Variants in PRH1 observed in about 807,000 individuals in gnomAD.
The protein encoded by PRH1 is salivary acidic proline-rich phosphoprotein 1/2.
Under a neutral mutation model 7.9 loss-of-function variants are expected in PRH1, and 7 were observed. The observed-to-expected ratio is 0.89, with a 90% CI of 0.50 to 1.67. The LOEUF (loss-of-function observed/expected upper bound fraction) is 1.67. Ranked by LOEUF, PRH1 falls within the 40% of genes most tolerant of loss-of-function variation. PRH1 has a pLI of 0.00. For missense variants in PRH1, 109 were observed against 223.6 expected, an observed-to-expected ratio of 0.49 and a Z score of 3.27; for synonymous variants, 45 against 80.8, an observed-to-expected ratio of 0.56 and a Z score of 2.38.
chr12:10,907,523 G>A (rs1397049371), intron 2 of PRH1, among the ~76,000 whole-genome samples: 1 of 151,984 alleles, frequency 6.6e-6, no homozygotes, highest in African/African-American at 2.4e-5. Context: ...ATGTGTGTGT[G>A]TGTGTGTGTA....
intron 1 of PRH1, among the ~76,000 whole-genome samples, chr12:10,977,634 A>C (rs566074200): frequency 6.6e-6 from 1 of 152,282 alleles, no homozygotes; most frequent in East Asian, 1.9e-4. Flanking sequence ...GTTTGCAGAC[A>C]ATGTAATCCT....
At chr12:11,156,438 T>C (rs954267310) in intron 1 of PRH1, among the ~76,000 whole-genome samples, 2 of 152,218 alleles carry the variant, frequency 1.3e-5, no homozygotes, top group African/African-American at 2.4e-5. Context: ...ACTTCTTCCC[T>C]ACATTCTCTC....
At chr12:11,052,487 T>C (rs922319402) in intron 1 of PRH1, among the ~76,000 whole-genome samples, 1 of 152,198 alleles carries the variant, frequency 6.6e-6, no homozygotes, top group Non-Finnish European at 1.5e-5. Flanking sequence ...TTTTGTTAAC[T>C]TGATTTTAGT....
In PRH1 at chr12:10,991,868, T is replaced by C. The variant is rs546028241; in HGVS notation, c.-125-18147A>G. On this transcript the variant is annotated intron_variant, in intron 1 of 3. Transcript: ENST00000539853. Reference sequence around the variant, plus strand: ...AATAAACCAGGTTCAGTGCTGCTCATAGAGCATGCAACATGAAAACTAACC... The same window carrying C: ...AATAAACCAGGTTCAGTGCTGCTCACAGAGCATGCAACATGAAAACTAACC... Among the ~76,000 whole-genome samples the C allele has an allele frequency of 7.9e-5, 12 of 152,290 alleles. No individual in the cohort carries two copies. The South Asian group carries it at 1.0e-3, about 13-fold the overall frequency.
At chr12:11,025,608 G>C in intron 1 of PRH1, among the ~76,000 whole-genome samples, 1 of 152,406 alleles carries the variant, frequency 6.6e-6, no homozygotes, top group East Asian at 1.9e-4. Flanking sequence ...AAAAATCCTT[G>C]CAACATTTCT....
At chr12:10,989,521 C>T (rs1591774685) in intron 1 of PRH1, among the ~76,000 whole-genome samples, 1 of 152,130 alleles carries the variant, frequency 6.6e-6, no homozygotes, top group Non-Finnish European at 1.5e-5. Context: ...TAGAAAATTC[C>T]GAATTTAAAT....
Position 10,992,883 on chromosome 12 carries a change from G to T in PRH1, c.-125-19162C>A, listed in dbSNP as rs539743037. Among the ~76,000 whole-genome samples the T allele has an allele frequency of 3.3e-5, 5 of 152,316 alleles. No individual in the cohort carries two copies. The South Asian group carries it at 1.0e-3, about 32-fold the overall frequency. On this transcript the variant is annotated intron_variant, in intron 1 of 3. Coordinates refer to the PRH1 transcript ENST00000539853. ...TTGCTTCCAGACCTGTATATTAAGGGACATTACTGTAAGTAGGACCAAAAA... is the reference window on the plus strand; with the variant it reads ...TTGCTTCCAGACCTGTATATTAAGGTACATTACTGTAAGTAGGACCAAAAA...
At chr12:11,058,173 C>G (rs922864807) in intron 1 of PRH1, among the ~76,000 whole-genome samples, 4 of 152,118 alleles carry the variant, frequency 2.6e-5, no homozygotes, top group Admixed American at 1.3e-4. Flanking sequence ...AAGGTTGAGG[C>G]TGCAATGAGC....
intron 2 of PRH1, among the ~76,000 whole-genome samples, chr12:10,912,422 T>C (rs1475795219): frequency 6.6e-6 from 1 of 152,186 alleles, no homozygotes; most frequent in Non-Finnish European, 1.5e-5. Flanking sequence ...TATTAAATTT[T>C]TAATACCAAC....
chr12:11,131,667 A>G (rs559115506), intron 1 of PRH1, among the ~76,000 whole-genome samples: 1 of 89,560 alleles, frequency 1.1e-5, no homozygotes, highest in South Asian at 4.9e-4. Flanking sequence ...CTTGTCGCCA[A>G]TTCAGACACC....
In PRH1 at chr12:11,085,770, T is replaced by C. The variant is rs190609460; in HGVS notation, n.124-38582A>G. On this transcript the variant is annotated intron_variant and non_coding_transcript_variant, in intron 1 of 4. Coordinates refer to the PRH1 transcript ENST00000541977. Reference sequence around the variant, plus strand: ...AGGCATACAAATCAAGTCATATTCTTATTCATCATTTTGAAATTTTTTCCT... The same window carrying C: ...AGGCATACAAATCAAGTCATATTCTCATTCATCATTTTGAAATTTTTTCCT... Among the ~76,000 whole-genome samples the C allele has an allele frequency of 8.5e-5, 10 of 118,022 alleles. 1 individual carries two copies. The East Asian group carries it at 2.1e-3, about 24-fold the overall frequency. 77.4% of individuals were successfully genotyped at this position (118,022 alleles called of 152,430 possible). A position where few individuals can be genotyped will look rare whatever the true frequency, so the allele number is the denominator to read the frequency against.
intron 2 of PRH1, among the ~76,000 whole-genome samples, chr12:10,916,150 G>T (rs763516388): frequency 6.6e-6 from 1 of 152,078 alleles, no homozygotes; most frequent in Non-Finnish European, 1.5e-5. Context: ...AGTTTGCAAG[G>T]CAACTCCCCT....
chr12:10,949,292 G>T (rs567973494), intron 2 of PRH1, among the ~76,000 whole-genome samples: 2 of 152,282 alleles, frequency 1.3e-5, no homozygotes, highest in East Asian at 3.9e-4. Flanking sequence ...AAGTCTAACT[G>T]GGTTTCTCTC....
intron 1 of PRH1, among the ~76,000 whole-genome samples, chr12:10,979,734 T>C (rs1939265297): frequency 1.3e-5 from 2 of 152,174 alleles, no homozygotes; most frequent in Non-Finnish European, 2.9e-5. Context: ...AATGCAGAAA[T>C]TTAGATGAGT....
intron 2 of PRH1, among the ~76,000 whole-genome samples, chr12:10,948,474 T>C (rs1375165989): frequency 6.6e-6 from 1 of 152,230 alleles, no homozygotes; most frequent in Non-Finnish European, 1.5e-5. Context: ...TTCAGCTCTG[T>C]CAGACCCATT....
chr12:10,913,989 T>A (rs1369914589), intron 2 of PRH1, among the ~76,000 whole-genome samples: 1 of 152,230 alleles, frequency 6.6e-6, no homozygotes, highest in Non-Finnish European at 1.5e-5. Flanking sequence ...TTGGCAAGTA[T>A]GAGACTGGCC....
At chr12:11,126,028 T>C (rs1373888514) in intron 1 of PRH1, among the ~76,000 whole-genome samples, 1 of 152,136 alleles carries the variant, frequency 6.6e-6, no homozygotes, top group African/African-American at 2.4e-5. Context: ...TCATTTATTA[T>C]ATGATTCTGC....
intron 1 of PRH1, among the ~76,000 whole-genome samples, chr12:11,024,326 T>C (rs1941804486): frequency 6.6e-6 from 1 of 152,254 alleles, no homozygotes; most frequent in African/African-American, 2.4e-5. Flanking sequence ...GTAACCATCA[T>C]GTAGGGCAAG....
intron 1 of PRH1, among the ~76,000 whole-genome samples, chr12:10,992,280 G>A (rs1035101917): frequency 1.3e-5 from 2 of 152,166 alleles, no homozygotes; most frequent in Non-Finnish European, 2.9e-5. Flanking sequence ...CAGAGGAAAG[G>A]ACATATATCC....
Sources: gnomAD v4.1 joint callset for allele counts (sites outside exome capture counted in the v4.1 genomes callset) on GRCh38, gnomAD v4.1.1 for gene constraint, MANE v1.5 for transcripts, NCBI Gene and HGNC (gene_info 2026-07-23, HGNC 2026-07-21) for gene names.